GMDS: variants seen among roughly 807,000 people sequenced by gnomAD.
GMDS encodes the protein GDP-mannose 4,6 dehydratase.
In GMDS, 20 loss-of-function variants were observed where a neutral mutation model predicts 49.9. The observed-to-expected ratio is 0.40, with a 90% CI of 0.28 to 0.58. The LOEUF is 0.58. Ranked by LOEUF, GMDS falls within the 20% of genes least tolerant of loss-of-function variation. The pLI, the probability that GMDS is intolerant of heterozygous loss-of-function variation, is 0.42. For missense variants in GMDS, 362 were observed against 481.4 expected, an observed-to-expected ratio of 0.75 and a Z score of 2.32; for synonymous variants, 177 against 178.6, an observed-to-expected ratio of 0.99 and a Z score of 0.07.
chr6:2,064,030 A>C (rs9378676), intron 4 of GMDS, among the ~76,000 whole-genome samples: 31,407 of 152,194 alleles, frequency 0.21, 3,584 homozygotes, highest in Non-Finnish European at 0.24. Context: ...GGTGATCTAC[A>C]AATAAAGATA....
rs79229302 is a variant in GMDS, at chr6:1,934,094, T to C, written c.644-3864A>G. 4.7e-3 allele frequency among the ~76,000 whole-genome samples: 723 copies of C among 152,360 alleles called. 3 individuals are homozygous for C. The highest frequency in any genetic ancestry group is 6.7e-3 in the Admixed American group (103 of 15,314). On this transcript the variant is annotated intron_variant, in intron 6 of 10. Coordinates refer to ENST00000380815, the MANE Select transcript of GMDS (RefSeq NM_001500.4). ...GGGTCTAACTTCATTCATTTGCATG[T>C]TGACATCCAGCTGTCTCAGTATTAT...
intron 1 of GMDS, among the ~76,000 whole-genome samples, chr6:2,243,060 A>C (rs1173829482): frequency 6.6e-6 from 1 of 152,240 alleles, no homozygotes; most frequent in Non-Finnish European, 1.5e-5. Flanking sequence ...GGGGTACAGA[A>C]GCCAATGCAA....
chr6:1,869,709 T>C (rs1199314679), intron 7 of GMDS, among the ~76,000 whole-genome samples: 1 of 152,132 alleles, frequency 6.6e-6, no homozygotes, highest in Non-Finnish European at 1.5e-5. Flanking sequence ...ACTTTTACTG[T>C]TAAAAAATAA....
chr6:2,079,975 T>C (rs1295709788), intron 4 of GMDS, among the ~76,000 whole-genome samples: 6 of 152,180 alleles, frequency 3.9e-5, no homozygotes. Context: ...ATCCCATATG[T>C]CTCGAAGGCT....
At chr6:2,039,040 G>A (rs1003600838) in intron 4 of GMDS, among the ~76,000 whole-genome samples, 2 of 152,124 alleles carry the variant, frequency 1.3e-5, no homozygotes, top group African/African-American at 4.8e-5. Context: ...AAACCTGGAT[G>A]GTACAGCCTA....
chr6:1,990,728 G>A (rs1283930801), intron 4 of GMDS, among the ~76,000 whole-genome samples: 1 of 137,046 alleles, frequency 7.3e-6, no homozygotes, highest in East Asian at 2.3e-4. Flanking sequence ...GCGCAGATCA[G>A]CACACCCAGC....
chr6:1,889,227 T>A (rs1181738652), intron 7 of GMDS, among the ~76,000 whole-genome samples: 1 of 152,300 alleles, frequency 6.6e-6, no homozygotes, highest in African/African-American at 2.4e-5. Context: ...TGGATCTATA[T>A]GAAAAACAGC....
intron 4 of GMDS, among the ~76,000 whole-genome samples, chr6:2,059,273 G>C (rs939193537): frequency 4.9e-5 from 7 of 143,760 alleles, no homozygotes; most frequent in African/African-American, 1.8e-4. Context: ...TAATTTATTT[G>C]AACTATTGTT....
chr6:2,029,520 T>C (rs947083297), intron 4 of GMDS, among the ~76,000 whole-genome samples: 1 of 152,234 alleles, frequency 6.6e-6, no homozygotes, highest in African/African-American at 2.4e-5. Context: ...CAGAATTATG[T>C]CTGCATTGAC....
In GMDS at chr6:1,710,207, C is replaced by G. The variant is rs1286422859; in HGVS notation, c.987+16209G>C. 2.0e-5 allele frequency among the ~76,000 whole-genome samples: 3 copies of G among 152,194 alleles called. No individual in the cohort carries two copies. In the East Asian group the frequency reaches 5.8e-4, roughly 29 times the overall value. On this transcript the variant is annotated intron_variant, in intron 9 of 10. Transcript: ENST00000380815. ...ACTCTGCCTGTCAAGTTGACTTTGT[C>G]TCTAAATGCTCTGCTTTTTATTACT... is the stretch of plus-strand genomic sequence containing the variant.
intron 4 of GMDS, among the ~76,000 whole-genome samples, chr6:2,105,181 C>CAAAAAA (rs530164439): frequency 1.2e-3 from 80 of 64,328 alleles, no homozygotes; most frequent in African/African-American, 1.9e-3. Flanking sequence ...GACTCCGTCT[C>CAAAAAA]AAAAAAAAAA....
At chr6:1,789,436 G>A (rs1325177453) in intron 7 of GMDS, among the ~76,000 whole-genome samples, 1 of 151,988 alleles carries the variant, frequency 6.6e-6, no homozygotes, top group Admixed American at 6.6e-5. Context: ...TGCCAAGGAT[G>A]TAGTCTCCCT....
intron 9 of GMDS, among the ~76,000 whole-genome samples, chr6:1,695,907 G>GTTTTTTTTTTTTTTTTTT (rs11366742): frequency 8.0e-6 from 1 of 124,412 alleles, no homozygotes; most frequent in African/African-American, 3.1e-5. Flanking sequence ...TTCTGTCTTG[G>GTTTTTTTTTTTTTTTTTT]TTTTTTTTTT....
At chr6:1,765,817 C>A (rs1581156444) in intron 7 of GMDS, among the ~76,000 whole-genome samples, 1 of 152,090 alleles carries the variant, frequency 6.6e-6, no homozygotes, top group Admixed American at 6.5e-5. Context: ...GGGCTCGGAG[C>A]CCTTTAACTC....
chr6:1,987,395 C>A (rs1036909996), intron 4 of GMDS, among the ~76,000 whole-genome samples: 1 of 152,084 alleles, frequency 6.6e-6, no homozygotes, highest in African/African-American at 2.4e-5. Flanking sequence ...TCTCATTTTA[C>A]TCTTTTCAGT....
chr6:1,991,251 C>G (rs1380859380), intron 4 of GMDS, among the ~76,000 whole-genome samples: 3 of 152,214 alleles, frequency 2.0e-5, no homozygotes, highest in African/African-American at 7.2e-5. Context: ...CCAATCTTCT[C>G]CCAGGCCCCG....
chr6:2,126,970 A>G (rs1226321078), intron 1 of GMDS, among the ~76,000 whole-genome samples: 1 of 152,172 alleles, frequency 6.6e-6, no homozygotes, highest in Non-Finnish European at 1.5e-5. Flanking sequence ...TTCTTGAGGT[A>G]AATATTCTAG....
At position 1,624,048 on chromosome 6, in the gene GMDS, G is replaced by T. The variant is rs112980684; in HGVS notation, c.*121C>A. The T allele has an allele frequency of 1.2e-6, 1 of 834,452 alleles. No homozygotes were observed. The highest frequency in any genetic ancestry group is 1.6e-5 in the South Asian group (1 of 61,912). The allele number at this position is 834,452 out of a possible 1,614,324, so 51.7% of individuals were successfully genotyped here. On this transcript the variant is annotated 3_prime_UTR_variant, in exon 11 of 11. Transcript: ENST00000380815. ...GCTCTTGCGGCCGGGACAGCGCAGC[G>T]GCAGCAGGGGCCGCAGGGGACCCGC...
chr6:1,918,981 T>C (rs1288992279), intron 7 of GMDS, among the ~76,000 whole-genome samples: 1 of 152,184 alleles, frequency 6.6e-6, no homozygotes, highest in Non-Finnish European at 1.5e-5. Context: ...CTGGGGGCAA[T>C]GTCTTGTGCT....
Sources: allele counts gnomAD v4.1 joint callset (sites outside exome capture counted in the v4.1 genomes callset), GRCh38; gene constraint gnomAD v4.1.1; transcripts MANE v1.5; gene names NCBI Gene and HGNC (gene_info 2026-07-23, HGNC 2026-07-21).